Variants in AK8 observed in about 807,000 individuals in gnomAD.
AK8 encodes the protein adenylate kinase 8, also known as ATP-AMP transphosphorylase 8.
A neutral mutation model predicts 54.6 loss-of-function variants in AK8; 44 were observed. That is an observed-to-expected ratio of 0.81 (90% CI 0.63 to 1.04). The LOEUF (loss-of-function observed/expected upper bound fraction) is 1.04. Among genes scored for constraint, AK8 ranks in the 50% least tolerant of loss-of-function variants. The pLI is 0.00. For missense variants in AK8, 555 were observed against 613.6 expected, an observed-to-expected ratio of 0.90 and a Z score of 1.01; for synonymous variants, 239 against 245.6, an observed-to-expected ratio of 0.97 and a Z score of 0.25.
chr9:132,873,937 T>C (rs1054186614), intron 2 of AK8, among the ~76,000 whole-genome samples: 1 of 152,118 alleles, frequency 6.6e-6, no homozygotes, highest in African/African-American at 2.4e-5. Context: ...AAAGGAGGTC[T>C]CTAAGAGTCG....
chr9:132,830,194 G>A (rs1471399605), intron 5 of AK8, among the ~76,000 whole-genome samples: 1 of 152,150 alleles, frequency 6.6e-6, no homozygotes, highest in East Asian at 1.9e-4. Context: ...TTGACCTGAT[G>A]TTAACTGATC....
chr9:132,878,455 C>A (rs1465339293), upstream of AK8: 1 of 1,224,096 alleles, frequency 8.2e-7, no homozygotes, highest in African/African-American at 1.6e-5. This position sits in a 1 kb window ranked among gnomAD's most constrained non-coding sequence, Gnocchi z 4.7. Flanking sequence ...TTTCCCCAAC[C>A]CCGGCCTCGC....
intron 11 of AK8, among the ~76,000 whole-genome samples, chr9:132,763,559 C>T (rs1478145939): frequency 6.6e-6 from 1 of 152,220 alleles, no homozygotes; most frequent in Non-Finnish European, 1.5e-5. Context: ...TACCTATCAC[C>T]AAGTTTTGGC....
chr9:132,870,655 C>T (rs1843780059), intron 2 of AK8, among the ~76,000 whole-genome samples: 1 of 152,374 alleles, frequency 6.6e-6, no homozygotes, highest in South Asian at 2.1e-4. Context: ...CCTCTGCTCC[C>T]TCGTGTGCTC....
intron 11 of AK8, among the ~76,000 whole-genome samples, chr9:132,765,703 A>C (rs1838698621): frequency 6.6e-6 from 1 of 152,212 alleles, no homozygotes; most frequent in South Asian, 2.1e-4. Flanking sequence ...AATAAAGCTC[A>C]TATATATGGC....
chr9:132,818,405 A>C (rs1211244330), intron 9 of AK8, among the ~76,000 whole-genome samples: 1 of 152,208 alleles, frequency 6.6e-6, no homozygotes, highest in Non-Finnish European at 1.5e-5. Context: ...ACATACGCAG[A>C]AGTAAAATGT....
chr9:132,857,425 C>T (rs1843214274), intron 4 of AK8, among the ~76,000 whole-genome samples: 1 of 152,148 alleles, frequency 6.6e-6, no homozygotes, highest in Non-Finnish European at 1.5e-5. Flanking sequence ...TCCGCCAGTG[C>T]CCGTTTCCCT....
rs370809704 is a variant in AK8 at position 132,827,004 on chromosome 9, G to A, written c.607C>T (p.Arg203Cys). The part of the protein sequence containing the change: ...DWPPESEIQN[R>C]LMVPEDISEL... Reference sequence around the variant, plus strand: ...GAGATGTCCTCTGGCACCATGAGACGGTTCTGGATTTCAGATTCGGGTGGC... The same window carrying A: ...GAGATGTCCTCTGGCACCATGAGACAGTTCTGGATTTCAGATTCGGGTGGC... The change falls in exon 8 of 13, where the codon CGT becomes TGT. Residue 203 changes from arginine to cysteine, a missense_variant. Coordinates refer to ENST00000298545, the MANE Select transcript of AK8 (RefSeq NM_152572.3). 91 of 1,614,122 alleles carry A rather than the reference G, an allele frequency of 5.6e-5. No homozygotes were observed. The highest frequency in any genetic ancestry group is 1.6e-4 in the Middle Eastern group (1 of 6,084).
intron 12 of AK8, among the ~76,000 whole-genome samples, chr9:132,726,419 A>G (rs1311336523): frequency 6.6e-6 from 1 of 151,880 alleles, no homozygotes; most frequent in Non-Finnish European, 1.5e-5. Flanking sequence ...GGCGTGCACC[A>G]TTACTGCCCA....
intron 1 of AK8, among the ~76,000 whole-genome samples, chr9:132,875,556 T>C (rs978093444): frequency 2.0e-5 from 3 of 152,232 alleles, no homozygotes; most frequent in Non-Finnish European, 4.4e-5. Flanking sequence ...GCAGATGCTG[T>C]TCCCTCAGCT....
At position 132,762,427 on chromosome 9, in the gene AK8, T is replaced by TA. The variant is rs546636176; in HGVS notation, c.1121+30206dup. On this transcript the variant is annotated intron_variant, in intron 11 of 12. Coordinates refer to ENST00000298545, the MANE Select transcript of AK8 (RefSeq NM_152572.3). Reference sequence around the variant, plus strand: ...CCTTCAATGTGTGACTCCTTTCAATTAAAAAATCAAAGTAGATGATGTTGG... The same window carrying TA: ...CCTTCAATGTGTGACTCCTTTCAATTAAAAAAATCAAAGTAGATGATGTTGG... Among the ~76,000 whole-genome samples, 1,406 of 152,244 alleles carry TA rather than the reference T, an allele frequency of 9.2e-3. 18 individuals carry two copies. The highest frequency in any genetic ancestry group is 0.032 in the African/African-American group (1,318 of 41,526).
At chr9:132,846,920 A>T (rs1842775594) in intron 5 of AK8, among the ~76,000 whole-genome samples, 1 of 152,242 alleles carries the variant, frequency 6.6e-6, no homozygotes, top group African/African-American at 2.4e-5. Flanking sequence ...AAGCTGGAGA[A>T]GCTGCTGGGC....
chr9:132,861,395 C>A (rs1296610483), intron 4 of AK8: 3 of 152,184 alleles, frequency 2.0e-5, no homozygotes, highest in African/African-American at 7.2e-5. Flanking sequence ...GTCAAACAAG[C>A]CACCGATTAA....
intron 11 of AK8, among the ~76,000 whole-genome samples, chr9:132,765,292 CAA>C (rs61495439): frequency 0.017 from 1,056 of 62,762 alleles, 8 homozygotes; most frequent in Middle Eastern, 0.052. Flanking sequence ...GACTCCATTT[CAA>C]AAAAAAAAAA....
At chr9:132,748,373 G>A (rs181023307) in intron 11 of AK8, among the ~76,000 whole-genome samples, 1 of 150,692 alleles carries the variant, frequency 6.6e-6, no homozygotes, top group Admixed American at 6.6e-5. Flanking sequence ...TGGGGACAAG[G>A]ACACAGCAGA....
chr9:132,843,584 G>A (rs776828163), intron 5 of AK8, among the ~76,000 whole-genome samples: 4 of 152,184 alleles, frequency 2.6e-5, no homozygotes, highest in Non-Finnish European at 4.4e-5. Context: ...GAAAGGTGGC[G>A]GGTACTGAGT....
chr9:132,875,815 A>G (rs563885574), intron 1 of AK8, among the ~76,000 whole-genome samples: 3 of 152,240 alleles, frequency 2.0e-5, no homozygotes, highest in Non-Finnish European at 2.9e-5. Flanking sequence ...CCTGGCAGTC[A>G]TAGCAGATGC....
In AK8 at chr9:132,792,713, T is replaced by C. The variant is rs1434381763; in HGVS notation, c.1042A>G (p.Lys348Glu). The C allele has an allele frequency of 3.9e-6, 6 of 1,557,524 alleles. No homozygotes were observed. In the South Asian group the frequency reaches 5.9e-5, roughly 15 times the overall value. Residue 348 changes from lysine to glutamate, a missense_variant, in exon 11 of 13, where the codon AAA (lysine) becomes GAA (glutamate). Transcript: ENST00000298545. ...QRLDQQDCIQ[K>E]GWVLHGVPRD... is the part of the protein sequence containing the mutation. ...GGGACGCCGTGTAGCACCCAGCCTT[T>C]CTGGATGCAGTCCTGCTGGTCCAGG...
chr9:132,735,134 A>G (rs1837037680), intron 11 of AK8, among the ~76,000 whole-genome samples: 1 of 152,122 alleles, frequency 6.6e-6, no homozygotes, highest in Non-Finnish European at 1.5e-5. Flanking sequence ...GGTCCCAGAG[A>G]GCTGAGGGGT....
Sources: gnomAD v4.1 joint callset for allele counts (sites outside exome capture counted in the v4.1 genomes callset) on GRCh38, gnomAD v4.1.1 for gene constraint, Gnocchi (gnomAD v3.1) non-coding constraint, MANE v1.5 for transcripts, NCBI Gene and HGNC (gene_info 2026-07-23, HGNC 2026-07-21) for gene names.